Variants in GPLD1 observed in about 807,000 individuals in gnomAD.
The protein encoded by GPLD1 is phosphatidylinositol-glycan-specific phospholipase D.
Under a neutral mutation model 112.6 loss-of-function variants are expected in GPLD1, and 84 were observed. The ratio of observed to expected loss-of-function variants is 0.75; its 90% CI spans 0.63 to 0.89. The LOEUF (loss-of-function observed/expected upper bound fraction) is 0.89. Among genes scored for constraint, GPLD1 ranks in the 40% least tolerant of loss-of-function variants. GPLD1 has a pLI of 0.00. For missense variants in GPLD1, 1,044 were observed against 1,051.5 expected (o/e 0.99, Z 0.10); for synonymous variants, 386 against 403.8 (o/e 0.96, Z 0.53).
At position 24,455,639 on chromosome 6, in the gene GPLD1, C is replaced by T. The variant is rs567860472; in HGVS notation, c.1148+859G>A. 1.6e-4 allele frequency among the ~76,000 whole-genome samples: 24 copies of T among 152,114 alleles called. No individual in the cohort carries two copies. The South Asian group carries it at 2.1e-3, about 13-fold the overall frequency. ...AACTGTCATGGTATACCAGCTTTTA[C>T]CATATGAAGTTACAATATTTAAATC... On this transcript the variant is annotated intron_variant, in intron 13 of 24. Transcript: ENST00000230036.
At chr6:24,455,637 T>C (rs1436478845) in intron 13 of GPLD1, among the ~76,000 whole-genome samples, 2 of 152,206 alleles carry the variant, frequency 1.3e-5, no homozygotes, top group African/African-American at 4.8e-5. Flanking sequence ...TACCAGCTTT[T>C]ACCATATGAA....
chr6:24,483,837 G>T (rs1764282148), intron 2 of GPLD1, among the ~76,000 whole-genome samples: 1 of 151,882 alleles, frequency 6.6e-6, no homozygotes, highest in South Asian at 2.1e-4. Context: ...TCTGCTTCCG[G>T]GGTTCAAGCG....
intron 22 of GPLD1, 37 bp downstream of exon 22, chr6:24,436,538 CT>C: frequency 6.3e-7 from 1 of 1,575,496 alleles, no homozygotes. Context: ...ATTAGTGATC[CT>C]TTCCCAATAA....
chr6:24,473,149 A>C (rs1010283581), intron 6 of GPLD1: 2 of 151,966 alleles, frequency 1.3e-5, no homozygotes, highest in Non-Finnish European at 1.5e-5. Context: ...ATATAAATTA[A>C]GAAAGAACTG....
At position 24,426,170 on chromosome 6, in the gene GPLD1, T is replaced by C. The variant is rs187815194; in HGVS notation, c.*2862A>G. The C allele has an allele frequency of 7.2e-5, 11 of 152,324 alleles. No homozygotes were observed. Among genetic ancestry groups the C allele is most frequent in the African/African-American group, 2.6e-4 (11 of 41,580 alleles). The allele number at this position is 152,324 out of a possible 1,614,324, so 9.4% of individuals were successfully genotyped here. ...GTAAATGTCTTCTGATATCTTGAAA[T>C]AAAGATAAATTTCAGTTAAACTTGT... On this transcript the variant is annotated 3_prime_UTR_variant, in exon 25 of 25. Coordinates refer to ENST00000230036, the MANE Select transcript of GPLD1 (RefSeq NM_001503.4).
At chr6:24,441,603 G>A (rs1200914586) in intron 20 of GPLD1, among the ~76,000 whole-genome samples, 1 of 152,208 alleles carries the variant, frequency 6.6e-6, no homozygotes, top group East Asian at 1.9e-4. Flanking sequence ...AATTGCTGTG[G>A]ATTAGGAAAT....
intron 10 of GPLD1, among the ~76,000 whole-genome samples, chr6:24,466,075 T>A (rs147554926): frequency 7.7e-4 from 118 of 152,364 alleles, no homozygotes; most frequent in African/African-American, 2.7e-3. Context: ...CTGGGTGCAG[T>A]GGCTCATGCC....
chr6:24,449,557 T>C (rs539992624), intron 15 of GPLD1, among the ~76,000 whole-genome samples: 1 of 152,228 alleles, frequency 6.6e-6, no homozygotes, highest in East Asian at 1.9e-4. Context: ...CCTGGTGGAA[T>C]TGGGAAACCA....
chr6:24,439,842 C>T (rs1225713020), intron 20 of GPLD1, among the ~76,000 whole-genome samples: 2 of 152,136 alleles, frequency 1.3e-5, no homozygotes, highest in African/African-American at 4.8e-5. Flanking sequence ...ATGCTTATAC[C>T]TTCTAGTTAA....
rs749120771 is a variant in GPLD1 at position 24,495,076 on chromosome 6, G to A, written n.130C>T. On this transcript the variant is annotated non_coding_transcript_exon_variant, in exon 1 of 11. Transcript: ENST00000474784. Reference sequence around the variant, plus strand: ...TTTCCAGGCTGCCGCCTCCGCCCCCGCGCCGGCGGCCTGGTCCCTGCCTCC... The same window carrying A: ...TTTCCAGGCTGCCGCCTCCGCCCCCACGCCGGCGGCCTGGTCCCTGCCTCC... 2 of 1,322,096 alleles carry A rather than the reference G, an allele frequency of 1.5e-6. No individual in the cohort carries two copies. The highest frequency in any genetic ancestry group is 1.9e-6 in the Non-Finnish European group (2 of 1,037,662). The allele number at this position is 1,322,096 out of a possible 1,614,324, so 81.9% of individuals were successfully genotyped here. A position where few individuals can be genotyped will look rare whatever the true frequency, so the allele number is the denominator to read the frequency against.
intron 7 of GPLD1, among the ~76,000 whole-genome samples, chr6:24,470,267 A>G (rs1056433678): frequency 1.3e-5 from 2 of 152,192 alleles, no homozygotes; most frequent in Non-Finnish European, 1.5e-5. Flanking sequence ...CATGACCAGT[A>G]TAACTCCAGT....
chr6:24,433,405 G>A lies in GPLD1; in HGVS notation c.2359-16C>T, dbSNP rs757492624. ...CATATTGGGCCTGAAGAAAAAAATT[G>A]AGGAGAGAGACAATGTTATTACTGT... On this transcript the variant is annotated splice_polypyrimidine_tract_variant and intron_variant, in intron 22 of 24. Transcript: ENST00000230036. 1.9e-6 allele frequency: 3 copies of A among 1,576,020 alleles called. No homozygotes were observed. Among genetic ancestry groups the A allele is most frequent in the Non-Finnish European group, 2.6e-6 (3 of 1,148,246 alleles).
chr6:24,425,043 GCCA>G (rs1033853199), downstream of GPLD1: 1 of 152,240 alleles, frequency 6.6e-6, no homozygotes, highest in Admixed American at 6.5e-5. Context: ...TGGCCCCTGT[GCCA>G]CCACACTGTG....
intron 22 of GPLD1, among the ~76,000 whole-genome samples, chr6:24,434,470 C>T (rs1316206716): frequency 6.6e-6 from 1 of 151,972 alleles, no homozygotes; most frequent in African/African-American, 2.4e-5. Context: ...AATATGCACG[C>T]ACATAGTGTA....
chr6:24,477,608 T>C (rs1282258847), intron 3 of GPLD1, among the ~76,000 whole-genome samples: 2 of 152,014 alleles, frequency 1.3e-5, no homozygotes, highest in South Asian at 2.1e-4. Context: ...TACACACCTA[T>C]AGTCTCAGCT....
chr6:24,439,134 G>A (rs915084953), intron 20 of GPLD1, among the ~76,000 whole-genome samples: 3 of 152,042 alleles, frequency 2.0e-5, no homozygotes, highest in African/African-American at 4.8e-5. Context: ...TCCCTGGAGC[G>A]CCCAGGAATC....
chr6:24,484,424 C>T (rs532576653), intron 2 of GPLD1, among the ~76,000 whole-genome samples: 2 of 152,068 alleles, frequency 1.3e-5, no homozygotes, highest in Non-Finnish European at 2.9e-5. Flanking sequence ...TCATGTTGGC[C>T]AGGCTGTTCT....
chr6:24,433,366 A>G lies in GPLD1; in HGVS notation c.2382T>C (p.Pro794=), dbSNP rs1437588878. Residue 794 remains proline, a synonymous_variant, in exon 23 of 25, where the codon CCT becomes CCC. Coordinates refer to ENST00000230036, the MANE Select transcript of GPLD1 (RefSeq NM_001503.4). ...CAGTCTTTCAAGGGATACTTACTTCAGGAGAAATCAATACATATTGGGCCT... is the reference window on the plus strand; with the variant it reads ...CAGTCTTTCAAGGGATACTTACTTCGGGAGAAATCAATACATATTGGGCCT... ...EEKAQYVLIS[P]EASSRFGSSL... 6.2e-7 allele frequency: 1 copy of G among 1,608,824 alleles called. No homozygotes were observed. Among genetic ancestry groups the G allele is most frequent in the Non-Finnish European group, 8.5e-7 (1 of 1,175,322 alleles).
intron 14 of GPLD1, among the ~76,000 whole-genome samples, chr6:24,450,335 T>C (rs939700921): frequency 6.6e-6 from 1 of 151,910 alleles, no homozygotes; most frequent in Admixed American, 6.6e-5. Context: ...ACCCCATCTG[T>C]ACTAAAACTA....
Sources: gnomAD v4.1 joint callset for allele counts (sites outside exome capture counted in the v4.1 genomes callset) on GRCh38, gnomAD v4.1.1 for gene constraint, MANE v1.5 for transcripts, NCBI Gene and HGNC (gene_info 2026-07-23, HGNC 2026-07-21) for gene names.